Variants in DOCK5 observed in about 807,000 individuals in gnomAD.
The protein encoded by DOCK5 is dedicator of cytokinesis 5, also known as dedicator of cytokinesis protein 5.
Under a neutral mutation model 251.8 loss-of-function variants are expected in DOCK5, and 142 were observed. That is an observed-to-expected ratio of 0.56 (90% CI 0.49 to 0.65). The LOEUF is 0.65. Ranked by LOEUF, DOCK5 falls within the 30% of genes least tolerant of loss-of-function variation. The pLI is 0.00. For missense variants in DOCK5, 2,111 were observed against 2,312.3 expected (o/e 0.91, Z 1.79); for synonymous variants, 842 against 835.5 (o/e 1.01, Z -0.13).
At chr8:25,386,267 A>G (rs533443996) in intron 40 of DOCK5, among the ~76,000 whole-genome samples, 6 of 152,222 alleles carry the variant, frequency 3.9e-5, no homozygotes, top group Admixed American at 6.5e-5. Context: ...GAGGTGGACC[A>G]GGCAGAGGAA....
At chr8:25,283,034 T>C (rs993571037) in intron 5 of DOCK5, among the ~76,000 whole-genome samples, 2 of 152,196 alleles carry the variant, frequency 1.3e-5, no homozygotes, top group African/African-American at 2.4e-5. Context: ...CCCAGCCATG[T>C]AGACGCTGGT....
intron 2 of DOCK5, among the ~76,000 whole-genome samples, chr8:25,253,272 G>A (rs114034025): frequency 0.022 from 3,398 of 152,270 alleles, 108 homozygotes; most frequent in African/African-American, 0.072. Flanking sequence ...CAGCTCCTAT[G>A]CACCTAAGGA....
intron 51 of DOCK5, among the ~76,000 whole-genome samples, chr8:25,410,985 A>G (rs4056270): frequency 0.13 from 14,884 of 117,678 alleles, 855 homozygotes; most frequent in South Asian, 0.16. Context: ...GCGCGCGCGC[A>G]CGCACGCACG....
chr8:25,337,871 C>T (rs1805854954), intron 22 of DOCK5, among the ~76,000 whole-genome samples: 1 of 152,096 alleles, frequency 6.6e-6, no homozygotes, highest in African/African-American at 2.4e-5. Flanking sequence ...AGGCATGAGC[C>T]ACTGCGCCTG....
chr8:25,236,745 T>C lies in DOCK5; in HGVS notation c.44-6929T>C, dbSNP rs1311718431. ...ACAGGCATGAGCCACCACACCCAGCTAGTTTTTTTGTGTGGTTTTTTTTTT... is the reference window on the plus strand; with the variant it reads ...ACAGGCATGAGCCACCACACCCAGCCAGTTTTTTTGTGTGGTTTTTTTTTT... On this transcript the variant is annotated intron_variant, in intron 1 of 51. Transcript: ENST00000276440. Among the ~76,000 whole-genome samples the C allele has an allele frequency of 2.0e-5, 3 of 150,584 alleles. No homozygotes were observed. The East Asian group carries it at 5.8e-4, about 29-fold the overall frequency.
At chr8:25,258,593 G>A (rs1361522543) in intron 2 of DOCK5, among the ~76,000 whole-genome samples, 1 of 152,060 alleles carries the variant, frequency 6.6e-6, no homozygotes, top group Non-Finnish European at 1.5e-5. Flanking sequence ...GCCTGTCTCT[G>A]CCCACTGGGC....
intron 5 of DOCK5, 83 bp from the exon 6 acceptor site, chr8:25,291,941 C>A (rs1804499665): frequency 6.0e-5 from 72 of 1,202,418 alleles, no homozygotes; most frequent in South Asian, 3.0e-4. Context: ...CCGTTAAAAA[C>A]AAACAAATAA....
Position 25,395,627 on chromosome 8 carries a change from TGG to T in DOCK5, c.4614_4615del (p.Trp1538Ter). ...CAGCAACTGTGTTCAGCAGCATGCC[TGG>T]GACCGGTCCCTCTCTGTGCACCCTC... ...RISNCVQQHA[W>X]DRSLSVHPLS... On this transcript the variant is annotated frameshift_variant, in exon 45 of 52. Coordinates refer to ENST00000276440, the MANE Select transcript of DOCK5 (RefSeq NM_024940.8). LOFTEE classifies it high-confidence loss of function. The T allele has an allele frequency of 3.1e-6, 5 of 1,613,498 alleles. No individual in the cohort carries two copies. Among genetic ancestry groups the T allele is most frequent in the Non-Finnish European group, 4.2e-6 (5 of 1,179,778 alleles).
At chr8:25,364,498 A>G in intron 29 of DOCK5, 128 bp from the exon 30 acceptor site, 1 of 641,302 alleles carries the variant, frequency 1.6e-6, no homozygotes, top group Non-Finnish European at 2.8e-6. Flanking sequence ...GTCTGCAAGG[A>G]CACTGTTAGA....
chr8:25,403,644 C>T lies in DOCK5; in HGVS notation c.5013C>T (p.Ser1671=). The T allele has an allele frequency of 6.2e-7, 1 of 1,613,978 alleles. No homozygotes were observed. Among genetic ancestry groups the T allele is most frequent in the South Asian group, 1.1e-5 (1 of 91,082 alleles). The change falls in exon 48 of 52, where the codon TCC becomes TCT. Residue 1671 remains serine (S), a synonymous_variant. Coordinates refer to ENST00000276440, the MANE Select transcript of DOCK5 (RefSeq NM_024940.8). ...YIMSSTLRRL[S]ITSVTSSVVS... is the part of the protein sequence containing the mutation. ...TGTCTTCCACTCTGCGGAGGTTGTC[C>T]ATCACCTCAGTCACTTCCTCTGTGG...
chr8:25,374,794 A>T lies in DOCK5; in HGVS notation c.3816+140A>T, dbSNP rs548013309. On this transcript the variant is annotated intron_variant, in intron 37 of 51. Coordinates refer to ENST00000276440, the MANE Select transcript of DOCK5 (RefSeq NM_024940.8). ...TATACAAGTTTTTTTAGTTCTTTCT[A>T]AATAGGCACAGCTAATTTGTAGATC... 20 of 1,554,660 alleles carry T rather than the reference A, an allele frequency of 1.3e-5. 1 individual carries two copies. The African/African-American group carries it at 1.9e-4, about 15-fold the overall frequency.
intron 16 of DOCK5, among the ~76,000 whole-genome samples, chr8:25,323,568 T>G (rs956061496): frequency 6.6e-6 from 1 of 152,070 alleles, no homozygotes; most frequent in African/African-American, 2.4e-5. Flanking sequence ...GACATGGAGT[T>G]GACGTGGGGT....
At chr8:25,197,999 G>A (rs12544859) in intron 1 of DOCK5, among the ~76,000 whole-genome samples, 95,023 of 151,600 alleles carry the variant, frequency 0.63, 32,230 homozygotes, top group Non-Finnish European at 0.76. Context: ...ATCCGCCTGC[G>A]TCGGCCTCCC....
chr8:25,306,151 A>G (rs928410604), intron 11 of DOCK5, among the ~76,000 whole-genome samples: 3 of 152,114 alleles, frequency 2.0e-5, no homozygotes, highest in Non-Finnish European at 2.9e-5. Flanking sequence ...TCTCAGATAA[A>G]ATAAAATATA....
In DOCK5 at chr8:25,323,858, A is replaced by T; in HGVS notation, c.1626A>T (p.Lys542Asn). The T allele has an allele frequency of 6.2e-7, 1 of 1,613,114 alleles. No homozygotes were observed. Among genetic ancestry groups the T allele is most frequent in the Non-Finnish European group, 8.5e-7 (1 of 1,179,588 alleles). Residue 542 changes from lysine (K) to asparagine (N), a missense_variant, in exon 17 of 52, where the codon AAA (lysine) becomes AAT (asparagine). Lys to Asn is a moderately conservative substitution (Grantham distance 94, BLOSUM62 0). Transcript: ENST00000276440. ...TTTCTGCCTTTTCAGCCAGAGATAA[A>T]TCGGAGCGAGCATTTGGGGTGGCCT... ...RHRSSQETRDKSERAFGVAFV... is the reference protein window; with the variant it reads ...RHRSSQETRDNSERAFGVAFV...
intron 12 of DOCK5, 59 bp downstream of exon 12, chr8:25,308,984 T>TG: frequency 6.4e-7 from 1 of 1,574,488 alleles, no homozygotes; most frequent in South Asian, 1.1e-5. Context: ...CATTCACAGC[T>TG]GGGTCCTTGG....
At chr8:25,370,157 G>A (rs907751466) in intron 34 of DOCK5, among the ~76,000 whole-genome samples, 1 of 152,090 alleles carries the variant, frequency 6.6e-6, no homozygotes, top group African/African-American at 2.4e-5. Context: ...TATCACCACT[G>A]TCCCCTCTTC....
chr8:25,196,429 A>G (rs1268234215), intron 1 of DOCK5, among the ~76,000 whole-genome samples: 2 of 152,348 alleles, frequency 1.3e-5, no homozygotes, highest in East Asian at 3.9e-4. Context: ...TTACAAAAAG[A>G]GCATATGTAC....
chr8:25,333,865 G>C (rs1586337594), intron 20 of DOCK5, among the ~76,000 whole-genome samples: 1 of 152,164 alleles, frequency 6.6e-6, no homozygotes, highest in South Asian at 2.1e-4. Flanking sequence ...ATGCTGGCTT[G>C]AGTTGGTTTC....
Sources: gnomAD v4.1 joint callset for allele counts (sites outside exome capture counted in the v4.1 genomes callset) on GRCh38, gnomAD v4.1.1 for gene constraint, MANE v1.5 for transcripts, NCBI Gene and HGNC (gene_info 2026-07-23, HGNC 2026-07-21) for gene names.